SRRM4: variants seen among roughly 807,000 people sequenced by gnomAD.
The protein encoded by SRRM4 is serine/arginine repetitive matrix 4, also known as serine/arginine repetitive matrix protein 4.
In SRRM4, 33 loss-of-function variants were observed where a neutral mutation model predicts 68.9. That is an observed-to-expected ratio of 0.48 (90% CI 0.36 to 0.64). SRRM4 has a LOEUF of 0.64. Ranked by LOEUF, SRRM4 falls within the 30% of genes least tolerant of loss-of-function variation. The pLI, the probability that SRRM4 is intolerant of heterozygous loss-of-function variation, is 0.00. For synonymous variants in SRRM4, 318 were observed against 318.8 expected, an observed-to-expected ratio of 1.00 and a Z score of 0.03; for missense variants, 817 against 827.1, an observed-to-expected ratio of 0.99 and a Z score of 0.15.
At chr12:119,083,761 C>G (rs1323235587) in intron 1 of SRRM4, among the ~76,000 whole-genome samples, 1 of 152,184 alleles carries the variant, frequency 6.6e-6, no homozygotes, top group Non-Finnish European at 1.5e-5. Flanking sequence ...CAGAGCTGAG[C>G]TGACAGTGCA....
chr12:119,130,615 G>A, intron 7 of SRRM4, 63 bp from the exon 8 acceptor site: 1 of 1,519,436 alleles, frequency 6.6e-7, no homozygotes, highest in South Asian at 1.3e-5. Context: ...TGTTGGTCCT[G>A]CATACATCTC....
chr12:119,020,314 C>T (rs534539967), intron 1 of SRRM4, among the ~76,000 whole-genome samples: 2 of 152,278 alleles, frequency 1.3e-5, no homozygotes, highest in South Asian at 4.1e-4. Flanking sequence ...CTGTACCCAA[C>T]ATACACAGAC....
At chr12:119,028,392 G>C (rs544048763) in intron 1 of SRRM4, among the ~76,000 whole-genome samples, 1 of 152,160 alleles carries the variant, frequency 6.6e-6, no homozygotes, top group South Asian at 2.1e-4. Context: ...AGGTCTTTTC[G>C]TGCTAGTCTC....
chr12:119,051,313 T>C (rs951271503), intron 1 of SRRM4, among the ~76,000 whole-genome samples: 33 of 152,172 alleles, frequency 2.2e-4, no homozygotes, highest in African/African-American at 7.5e-4. Context: ...CACTCAACAG[T>C]TCACAAAGTT....
intron 8 of SRRM4, among the ~76,000 whole-genome samples, chr12:119,131,397 C>T (rs546120122): frequency 6.6e-6 from 1 of 152,282 alleles, no homozygotes; most frequent in African/African-American, 2.4e-5. Flanking sequence ...GAGTTGAGGG[C>T]ACAGCTGTTC....
intron 1 of SRRM4, among the ~76,000 whole-genome samples, chr12:118,986,012 A>G (rs1296288491): frequency 6.6e-6 from 1 of 152,256 alleles, no homozygotes; most frequent in African/African-American, 2.4e-5. Flanking sequence ...TTCTACGCAG[A>G]ATAGACCAGA....
chr12:119,017,010 G>A (rs1026491787), intron 1 of SRRM4, among the ~76,000 whole-genome samples: 2 of 152,146 alleles, frequency 1.3e-5, no homozygotes, highest in African/African-American at 4.8e-5. Flanking sequence ...AATACTATGG[G>A]GTCTGGAATA....
chr12:119,114,660 CTTTTT>C (rs68020424), intron 3 of SRRM4, among the ~76,000 whole-genome samples: 105 of 101,352 alleles, frequency 1.0e-3, no homozygotes, highest in African/African-American at 3.3e-3. Context: ...GAAGCATAGT[CTTTTT>C]TTTTTTTTTT....
In SRRM4 at chr12:119,162,923, A is replaced by G. The variant is rs1179834191; in HGVS notation, c.*6125A>G. 2 of 152,236 alleles carry G rather than the reference A, an allele frequency of 1.3e-5. No individual in the cohort carries two copies. The highest frequency in any genetic ancestry group is 2.9e-5 in the Non-Finnish European group (2 of 68,054). The allele number at this position is 152,236 out of a possible 1,614,324, so 9.4% of individuals were successfully genotyped here. ...GGGACCCTGTCCTCTGCCCAGTGAC[A>G]CAGCAGCCATGGCTAGCTTGATTTC... On this transcript the variant is annotated 3_prime_UTR_variant, in exon 13 of 13. Coordinates refer to ENST00000267260, the MANE Select transcript of SRRM4 (RefSeq NM_194286.4).
rs373354468 is a variant in SRRM4, at chr12:119,153,590, G to A, written c.1332G>A (p.Pro444=). 20 of 1,576,344 alleles carry A rather than the reference G, an allele frequency of 1.3e-5. No individual in the cohort carries two copies. In the East Asian group the frequency reaches 4.7e-4, roughly 37 times the overall value. Residue 444 remains proline (P), a synonymous_variant, in exon 11 of 13, where the codon CCG becomes CCA. Transcript: ENST00000267260. ...CCTCCAAGTCTGGCAAGAGGAGCCC[G>A]CCCAGCAGAAGCTCTAGGTCCCGCC... The part of the protein sequence containing the change: ...SYSSKSGKRS[P]PSRSSRSRRS...
At chr12:119,111,831 G>A (rs1322619722) in intron 2 of SRRM4, among the ~76,000 whole-genome samples, 7 of 152,286 alleles carry the variant, frequency 4.6e-5, no homozygotes, top group Non-Finnish European at 8.8e-5. Flanking sequence ...ATCACCTGGG[G>A]TCAGGAGTTC....
At chr12:119,020,445 A>G (rs895554150) in intron 1 of SRRM4, among the ~76,000 whole-genome samples, 31 of 152,230 alleles carry the variant, frequency 2.0e-4, no homozygotes, top group African/African-American at 7.5e-4. Context: ...TCCTTGTAGA[A>G]GATGCTTACA....
intron 12 of SRRM4, among the ~76,000 whole-genome samples, chr12:119,156,043 A>G (rs1300722955): frequency 1.3e-5 from 2 of 152,178 alleles, no homozygotes; most frequent in Admixed American, 6.5e-5. Context: ...TCTGTTTATC[A>G]ACTGTACTAT....
intron 2 of SRRM4, among the ~76,000 whole-genome samples, chr12:119,110,022 G>A (rs928018490): frequency 1.3e-5 from 2 of 152,214 alleles, no homozygotes; most frequent in South Asian, 2.1e-4. Flanking sequence ...TGTCCTTTCT[G>A]TTTGTTAGTT....
chr12:119,019,337 T>A (rs928527616), intron 1 of SRRM4, among the ~76,000 whole-genome samples: 2 of 152,094 alleles, frequency 1.3e-5, no homozygotes, highest in Admixed American at 6.5e-5. Context: ...AAATAATGGG[T>A]GTTCGGCAGA....
intron 4 of SRRM4, among the ~76,000 whole-genome samples, chr12:119,119,407 CTG>C (rs1954203594): frequency 6.6e-6 from 1 of 151,656 alleles, no homozygotes; most frequent in African/African-American, 2.4e-5. Flanking sequence ...ATGGAGAAGT[CTG>C]TACCCTGATG....
rs1292024895 is a variant in SRRM4 at position 118,981,966 on chromosome 12, C to A, written c.84C>A (p.Pro28=). ...TCAAAGCGGTGGCCACCCCCCGTCC[C>A]GAGAGCATCATTGTCGCCAGTATCA... ...GTFKAVATPR[P]ESIIVASITA... Residue 28 remains proline, a synonymous_variant, in exon 1 of 13, where the codon CCC becomes CCA. Coordinates refer to ENST00000267260, the MANE Select transcript of SRRM4 (RefSeq NM_194286.4). 2.5e-6 allele frequency: 4 copies of A among 1,611,874 alleles called. No individual in the cohort carries two copies. Among genetic ancestry groups the A allele is most frequent in the Non-Finnish European group, 3.4e-6 (4 of 1,179,234 alleles).
chr12:119,125,333 T>C (rs754817995), intron 6 of SRRM4, 48 bp from the exon 7 acceptor site: 2 of 1,523,630 alleles, frequency 1.3e-6, no homozygotes, highest in Admixed American at 1.7e-5. Context: ...CTCCCTTTTT[T>C]ACTCTCTCTC....
chr12:119,069,091 G>A (rs1953862471), intron 1 of SRRM4, among the ~76,000 whole-genome samples: 1 of 152,158 alleles, frequency 6.6e-6, no homozygotes, highest in Non-Finnish European at 1.5e-5. Context: ...CAGGCTTAGG[G>A]AGATATCCTT....
Sources: gnomAD v4.1 joint callset for allele counts (sites outside exome capture counted in the v4.1 genomes callset) on GRCh38, gnomAD v4.1.1 for gene constraint, MANE v1.5 for transcripts, NCBI Gene and HGNC (gene_info 2026-07-23, HGNC 2026-07-21) for gene names.